SRPK1: variants seen among roughly 807,000 people sequenced by gnomAD.
SRPK1 encodes the protein SFRS protein kinase 1.
In SRPK1, 52 loss-of-function variants were observed where a neutral mutation model predicts 89.5. That is an observed-to-expected ratio of 0.58 (90% confidence interval 0.46 to 0.73). The LOEUF (loss-of-function observed/expected upper bound fraction) is 0.73. SRPK1 is among the 30% of genes least tolerant of loss of function. The probability of loss-of-function intolerance (pLI) is 0.00; values close to 1 mark genes in which losing one functional copy is unlikely to be tolerated. For synonymous variants in SRPK1, 255 were observed against 270.2 expected (o/e 0.94, Z 0.55); for missense variants, 603 against 780.6 (o/e 0.77, Z 2.71).
chr6:35,892,463 C>A (rs1770537600), intron 2 of SRPK1, among the ~76,000 whole-genome samples: 1 of 151,958 alleles, frequency 6.6e-6, no homozygotes, highest in Non-Finnish European at 1.5e-5. Flanking sequence ...ACCAGCCTGG[C>A]CAACATAAAG....
Position 35,869,747 on chromosome 6 carries a change from A to T in SRPK1, c.1146T>A (p.Asn382Lys). The change falls in exon 11 of 16, where the codon AAT becomes AAA. Residue 382 changes from asparagine (N) to lysine (K), a missense_variant. Transcript: ENST00000373825. Reference protein sequence around the residue: ...ETLRHKEDLHNANDCDVQNLN... With the variant: ...ETLRHKEDLHKANDCDVQNLN... ...AATTTTGGACATCACAGTCATTAGC[A>T]TTATGTAGATCCTCTTTATGTCTCA... The T allele has an allele frequency of 6.2e-7, 1 of 1,613,976 alleles. No homozygotes were observed. The highest frequency in any genetic ancestry group is 8.5e-7 in the Non-Finnish European group (1 of 1,179,852).
chr6:35,906,974 C>A (rs1027786964), intron 2 of SRPK1, among the ~76,000 whole-genome samples: 2 of 152,134 alleles, frequency 1.3e-5, no homozygotes, highest in African/African-American at 4.8e-5. Context: ...GATAAAGTTT[C>A]TCTTTATAGA....
chr6:35,893,542 A>G (rs7755022), intron 2 of SRPK1, among the ~76,000 whole-genome samples: 70,653 of 151,798 alleles, frequency 0.47, 18,424 homozygotes, highest in African/African-American at 0.71. Context: ...AGTTGACACC[A>G]TACACTGCAC....
At chr6:35,878,466 G>A (rs1393223799) in intron 6 of SRPK1, among the ~76,000 whole-genome samples, 1 of 152,154 alleles carries the variant, frequency 6.6e-6, no homozygotes, top group African/African-American at 2.4e-5. Flanking sequence ...AAGAAACTCT[G>A]GAGTCTACTG....
At chr6:35,864,091 C>A (rs561262114) in intron 12 of SRPK1, among the ~76,000 whole-genome samples, 6 of 152,112 alleles carry the variant, frequency 3.9e-5, no homozygotes, top group Non-Finnish European at 8.8e-5. Flanking sequence ...GAAACTACTA[C>A]AAGAAAACAT....
chr6:35,853,542 A>T (rs938537927), intron 13 of SRPK1, among the ~76,000 whole-genome samples: 16 of 152,098 alleles, frequency 1.1e-4, no homozygotes, highest in African/African-American at 3.9e-4. Flanking sequence ...TTTTTTCCCT[A>T]ATCTTTCCCT....
At chr6:35,907,120 A>T (rs1770864413) in intron 2 of SRPK1, among the ~76,000 whole-genome samples, 1 of 152,202 alleles carries the variant, frequency 6.6e-6, no homozygotes, top group African/African-American at 2.4e-5. Flanking sequence ...TTTCCTGATG[A>T]AAGTTTACAC....
chr6:35,885,298 C>CACACACACAGAGAGAGAGAGAG (rs1276672274), intron 6 of SRPK1, among the ~76,000 whole-genome samples: 8 of 113,112 alleles, frequency 7.1e-5, no homozygotes, highest in African/African-American at 2.9e-4. Flanking sequence ...CACACACACA[C>CACACACACAGAGAGAGAGAGAG]AGAGAGAGAG....
Position 35,833,598 on chromosome 6 carries a change from T to C in SRPK1, c.*1706A>G, listed in dbSNP as rs1053249075. 1 of 152,650 alleles carries C rather than the reference T, an allele frequency of 6.6e-6. No homozygotes were observed. The highest frequency in any genetic ancestry group is 2.4e-5 in the African/African-American group (1 of 41,464). The allele number at this position is 152,650 out of a possible 1,614,324, so 9.5% of individuals were successfully genotyped here. A position where few individuals can be genotyped will look rare whatever the true frequency, so the allele number is the denominator to read the frequency against. ...GGTGCATAGAAAGCCTAACTTAAAA[T>C]TCTTTCTACAGGAACATGTCTGATT... On this transcript the variant is annotated 3_prime_UTR_variant, in exon 16 of 16. Coordinates refer to ENST00000373825, the MANE Select transcript of SRPK1 (RefSeq NM_003137.5).
intron 12 of SRPK1, among the ~76,000 whole-genome samples, chr6:35,860,288 G>A (rs548855485): frequency 1.1e-4 from 17 of 152,314 alleles, no homozygotes; most frequent in Middle Eastern, 6.8e-3. Context: ...AGGTGACTGG[G>A]TCATGAGGGG....
At chr6:35,842,814 A>C (rs1268672248) in intron 13 of SRPK1, among the ~76,000 whole-genome samples, 1 of 151,834 alleles carries the variant, frequency 6.6e-6, no homozygotes, top group Non-Finnish European at 1.5e-5. Flanking sequence ...AACAGCAAAG[A>C]CTCAGTAAAT....
chr6:35,920,313 A>T (rs997550271), intron 2 of SRPK1, 155 bp downstream of exon 2: 11 of 775,624 alleles, frequency 1.4e-5, no homozygotes, highest in Non-Finnish European at 2.5e-5. Flanking sequence ...TCTCTTCCAC[A>T]TGGTTGCTGG....
chr6:35,885,473 A>C (rs1445798617), intron 6 of SRPK1, among the ~76,000 whole-genome samples: 1 of 152,128 alleles, frequency 6.6e-6, no homozygotes, highest in Non-Finnish European at 1.5e-5. Context: ...GTCTTTCCAC[A>C]TTATCAGCTG....
chr6:35,853,120 G>T (rs1256207278), intron 13 of SRPK1, among the ~76,000 whole-genome samples: 3 of 151,922 alleles, frequency 2.0e-5, no homozygotes, highest in South Asian at 2.1e-4. Flanking sequence ...CATGCCTATA[G>T]TCCTAGGCAT....
At chr6:35,879,356 G>A (rs1223090189) in intron 6 of SRPK1, among the ~76,000 whole-genome samples, 1 of 151,920 alleles carries the variant, frequency 6.6e-6, no homozygotes, top group Admixed American at 6.6e-5. Flanking sequence ...AGACCAGCCT[G>A]GGCAACATAG....
intron 5 of SRPK1, among the ~76,000 whole-genome samples, chr6:35,887,430 A>C (rs113780692): frequency 6.6e-6 from 1 of 152,182 alleles, no homozygotes; most frequent in Non-Finnish European, 1.5e-5. Context: ...AAAAAATCTG[A>C]GACTCAGAAA....
intron 6 of SRPK1, 44 bp from the exon 7 acceptor site, chr6:35,874,383 C>T (rs1770110027): frequency 7.5e-7 from 1 of 1,327,956 alleles, no homozygotes; most frequent in Non-Finnish European, 1.1e-6. Flanking sequence ...AAAAGAAGAA[C>T]ACGGCAAGAC....
At chr6:35,892,597 A>G (rs1037871154) in intron 2 of SRPK1, among the ~76,000 whole-genome samples, 3 of 152,042 alleles carry the variant, frequency 2.0e-5, no homozygotes, top group Admixed American at 1.3e-4. Flanking sequence ...GGTTACAGTG[A>G]GCCGAAATCG....
intron 2 of SRPK1, among the ~76,000 whole-genome samples, chr6:35,914,053 G>A (rs1211677633): frequency 7.5e-6 from 1 of 133,628 alleles, no homozygotes; most frequent in Admixed American, 9.1e-5. Flanking sequence ...TCGGCTCACT[G>A]CAACCTCCAC....
Sources: gnomAD v4.1 joint callset for allele counts (sites outside exome capture counted in the v4.1 genomes callset) on GRCh38, gnomAD v4.1.1 for gene constraint, MANE v1.5 for transcripts, NCBI Gene and HGNC (gene_info 2026-07-23, HGNC 2026-07-21) for gene names.